SLC5A4: variants seen among roughly 807,000 people sequenced by gnomAD.
SLC5A4 encodes probable glucose sensor protein SLC5A4.
Under a neutral mutation model 70.3 loss-of-function variants are expected in SLC5A4, and 55 were observed. The ratio of observed to expected loss-of-function variants is 0.78; its 90% CI spans 0.63 to 0.98. The LOEUF (loss-of-function observed/expected upper bound fraction) is 0.98. Ranked by LOEUF, SLC5A4 falls within the 50% of genes least tolerant of loss-of-function variation. The pLI, the probability that SLC5A4 is intolerant of heterozygous loss-of-function variation, is 0.00. For missense variants in SLC5A4, 735 were observed against 839.2 expected (o/e 0.88, Z 1.53); for synonymous variants, 268 against 305.7 (o/e 0.88, Z 1.29).
the SLC5A4 span, among the ~76,000 whole-genome samples, chr22:32,347,914 A>T: frequency 6.6e-6 from 1 of 152,170 alleles, no homozygotes; most frequent in Non-Finnish European, 1.5e-5. Flanking sequence ...CACAAAAAAA[A>T]AATCAATGCC....
chr22:32,340,197 G>A, the SLC5A4 span, among the ~76,000 whole-genome samples: 1 of 152,220 alleles, frequency 6.6e-6, no homozygotes, highest in African/African-American at 2.4e-5. Flanking sequence ...CTGCAGTGCA[G>A]CTGGGGAGGC....
At chr22:32,316,108 GA>G in the SLC5A4 span, among the ~76,000 whole-genome samples, 15,226 of 131,880 alleles carry the variant, frequency 0.12, 1,173 homozygotes, top group African/African-American at 0.25. Flanking sequence ...GACTCTGTCT[GA>G]AAAAAAAAAA....
chr22:32,322,029 G>A, the SLC5A4 span, among the ~76,000 whole-genome samples: 9 of 152,264 alleles, frequency 5.9e-5, no homozygotes, highest in South Asian at 4.1e-4. Context: ...TGGGGTGGAC[G>A]GAGTAGGCTT....
At chr22:32,256,380 ATTC>A (rs550522014), upstream of SLC5A4, among the ~76,000 whole-genome samples, 214 of 152,280 alleles carry the variant, frequency 1.4e-3, 1 homozygote, top group African/African-American at 5.0e-3. Context: ...AAGCCCAGAA[ATTC>A]TTCTTTTATA....
At chr22:32,304,210 T>C in the SLC5A4 span, among the ~76,000 whole-genome samples, 1 of 152,178 alleles carries the variant, frequency 6.6e-6, no homozygotes, top group East Asian at 1.9e-4. Flanking sequence ...TACTGCAACC[T>C]CTGTCTCCTG....
chr22:32,320,802 A>G, the SLC5A4 span, among the ~76,000 whole-genome samples: 1 of 152,236 alleles, frequency 6.6e-6, no homozygotes, highest in Admixed American at 6.5e-5. Context: ...AAATCCATCA[A>G]ATCGGCCAAA....
intron 13 of SLC5A4, among the ~76,000 whole-genome samples, chr22:32,223,186 C>G (rs186221234): frequency 6.6e-6 from 1 of 152,158 alleles, no homozygotes; most frequent in Non-Finnish European, 1.5e-5. Context: ...TGTGCTCATT[C>G]CTTTCATGAT....
intron 11 of SLC5A4, among the ~76,000 whole-genome samples, chr22:32,227,243 C>A (rs755893849): frequency 2.0e-5 from 3 of 152,114 alleles, no homozygotes; most frequent in Non-Finnish European, 4.4e-5. Flanking sequence ...ATTACTTTAT[C>A]ATTGAGACTT....
the SLC5A4 span, among the ~76,000 whole-genome samples, chr22:32,332,254 C>T: frequency 6.6e-6 from 1 of 152,248 alleles, no homozygotes; most frequent in Admixed American, 6.5e-5. Flanking sequence ...CACCATGGCC[C>T]TGCACAGTCA....
the SLC5A4 span, among the ~76,000 whole-genome samples, chr22:32,310,948 C>A: frequency 6.6e-6 from 1 of 152,234 alleles, no homozygotes; most frequent in Non-Finnish European, 1.5e-5. Flanking sequence ...TGGGTCCCAG[C>A]CACCTGGCTT....
At chr22:32,292,035 G>A in the SLC5A4 span, among the ~76,000 whole-genome samples, 1 of 140,462 alleles carries the variant, frequency 7.1e-6, no homozygotes, top group Non-Finnish European at 1.5e-5. Flanking sequence ...ACTACGCCCG[G>A]CTATTTTTTT....
chr22:32,349,820 TTC>T, the SLC5A4 span, among the ~76,000 whole-genome samples: 1 of 152,178 alleles, frequency 6.6e-6, no homozygotes, highest in Non-Finnish European at 1.5e-5. Context: ...TGTCCTATAT[TTC>T]TCTCTTTTTC....
At chr22:32,334,357 C>T in the SLC5A4 span, among the ~76,000 whole-genome samples, 1 of 152,184 alleles carries the variant, frequency 6.6e-6, no homozygotes, top group Admixed American at 6.5e-5. Flanking sequence ...AGCAACACCA[C>T]GTGTCTCTTG....
the SLC5A4 span, chr22:32,277,301 T>G: frequency 6.6e-6 from 1 of 152,228 alleles, no homozygotes; most frequent in South Asian, 2.1e-4. Flanking sequence ...AGTCAACCTC[T>G]GAGTGTGATC....
the SLC5A4 span, chr22:32,272,702 C>T: frequency 1.9e-6 from 1 of 526,408 alleles, no homozygotes; most frequent in Non-Finnish European, 3.6e-6. Context: ...GGGCAGACTT[C>T]CATGTGGGTG....
At chr22:32,303,401 G>A in the SLC5A4 span, among the ~76,000 whole-genome samples, 1 of 152,158 alleles carries the variant, frequency 6.6e-6, no homozygotes, top group Non-Finnish European at 1.5e-5. Context: ...CAATCTACAT[G>A]TGGGGTGGCG....
chr22:32,276,632 A>G, the SLC5A4 span: 1 of 152,200 alleles, frequency 6.6e-6, no homozygotes, highest in Non-Finnish European at 1.5e-5. Flanking sequence ...TTATAATATA[A>G]CTACATTTCT....
At chr22:32,247,359 C>A (rs902436049) in intron 5 of SLC5A4, 52 bp downstream of exon 5, 1 of 1,053,054 alleles carries the variant, frequency 9.5e-7, no homozygotes, top group African/African-American at 1.6e-5. Context: ...AGCACTCTGG[C>A]CCCATCTGAC....
At chr22:32,318,427 C>G in the SLC5A4 span, among the ~76,000 whole-genome samples, 1 of 152,150 alleles carries the variant, frequency 6.6e-6, no homozygotes, top group African/African-American at 2.4e-5. Flanking sequence ...CCTTCCTCCC[C>G]CATCTAGCTT....
Sources: gnomAD v4.1 joint callset for allele counts (sites outside exome capture counted in the v4.1 genomes callset) on GRCh38, gnomAD v4.1.1 for gene constraint, MANE v1.5 for transcripts, NCBI Gene and HGNC (gene_info 2026-07-23, HGNC 2026-07-21) for gene names.